The following RARB variants were observed in gnomAD, a reference collection of about 807,000 sequenced individuals.
RARB encodes retinoic acid receptor beta.
In RARB, 17 loss-of-function variants were observed where a neutral mutation model predicts 51.9. The observed-to-expected ratio is 0.33, with a 90% CI of 0.22 to 0.49. The LOEUF (loss-of-function observed/expected upper bound fraction) is 0.49, where lower values mean the gene tolerates loss of function less well. Ranked by LOEUF, RARB falls within the 20% of genes least tolerant of loss-of-function variation. The pLI is 0.99. For synonymous variants in RARB, 215 were observed against 195.4 expected (o/e 1.10, Z -0.84); for missense variants, 369 against 550.8 (o/e 0.67, Z 3.30).
intron 2 of RARB, among the ~76,000 whole-genome samples, chr3:24,941,885 T>A (rs1391052972): frequency 6.6e-6 from 1 of 152,212 alleles, no homozygotes; most frequent in Non-Finnish European, 1.5e-5. Flanking sequence ...AGCGTAAACT[T>A]AATCTTCTGA....
intron 2 of RARB, among the ~76,000 whole-genome samples, chr3:25,035,379 C>A (rs1289951821): frequency 6.6e-6 from 1 of 150,794 alleles, no homozygotes; most frequent in Non-Finnish European, 1.5e-5. Flanking sequence ...TGCTCAGTCT[C>A]CCAAAGTGCT....
chr3:25,105,912 A>G (rs546303474), intron 3 of RARB, among the ~76,000 whole-genome samples: 1 of 152,354 alleles, frequency 6.6e-6, no homozygotes, highest in Non-Finnish European at 1.5e-5. Flanking sequence ...TAGAAATGAA[A>G]TGTAATCTAA....
At chr3:24,849,039 G>A (rs369159637) in intron 1 of RARB, among the ~76,000 whole-genome samples, 3 of 152,134 alleles carry the variant, frequency 2.0e-5, no homozygotes, top group African/African-American at 2.4e-5. Flanking sequence ...ACTGTTATCT[G>A]CAGGGGATAC....
At chr3:25,582,403 G>T (rs1297839838) in intron 5 of RARB, among the ~76,000 whole-genome samples, 1 of 152,050 alleles carries the variant, frequency 6.6e-6, no homozygotes, top group Non-Finnish European at 1.5e-5. Flanking sequence ...CATTCTGACA[G>T]CCCTGCATCA....
chr3:24,853,544 A>C (rs1243244084), intron 1 of RARB, among the ~76,000 whole-genome samples: 1 of 152,206 alleles, frequency 6.6e-6, no homozygotes, highest in Non-Finnish European at 1.5e-5. Context: ...AATAGCCTGC[A>C]GGCACCAGCA....
intron 5 of RARB, among the ~76,000 whole-genome samples, chr3:25,265,092 G>A (rs999578500): frequency 6.6e-6 from 1 of 152,102 alleles, no homozygotes; most frequent in African/African-American, 2.4e-5. Context: ...GGACTGCCCA[G>A]AAAACTGTGA....
chr3:25,001,377 A>T (rs1174425072), intron 2 of RARB, among the ~76,000 whole-genome samples: 1 of 152,176 alleles, frequency 6.6e-6, no homozygotes, highest in Non-Finnish European at 1.5e-5. Flanking sequence ...CAAAGGAACA[A>T]ATGACTTTTG....
At chr3:25,574,586 T>G (rs908804395) in intron 4 of RARB, among the ~76,000 whole-genome samples, 68 of 152,320 alleles carry the variant, frequency 4.5e-4, no homozygotes, top group African/African-American at 1.6e-3. Flanking sequence ...GGCCTCCCAC[T>G]GCTCTGCCGT....
At position 25,060,124 on chromosome 3, in the gene RARB, G is replaced by A. The variant is rs1487828735; in HGVS notation, c.-379-1G>A. 1 of 151,768 alleles carries A rather than the reference G, an allele frequency of 6.6e-6. No homozygotes were observed. The highest frequency in any genetic ancestry group is 1.5e-5 in the Non-Finnish European group (1 of 67,796). The allele number at this position is 151,768 out of a possible 1,614,324, so 9.4% of individuals were successfully genotyped here. ...GTCTAATCCAGCCACTTATTTTACA[G>A]ATAAAACAGAGTACTGCAGAGATGA... On this transcript the variant is annotated splice_acceptor_variant, in intron 2 of 11. Coordinates refer to the RARB transcript ENST00000383772. LOFTEE classifies it low-confidence loss of function (5UTR_SPLICE).
chr3:25,415,358 G>T (rs1707674160), intron 5 of RARB, among the ~76,000 whole-genome samples: 1 of 151,968 alleles, frequency 6.6e-6, no homozygotes, highest in Admixed American at 6.6e-5. Context: ...TCCATTTTGA[G>T]TGAATTTTTG....
chr3:25,477,568 AC>A (rs1696014857), intron 2 of RARB, among the ~76,000 whole-genome samples: 2 of 152,192 alleles, frequency 1.3e-5, no homozygotes, highest in African/African-American at 4.8e-5. Context: ...GTACTTGCAT[AC>A]TGCAGTTTAT....
At chr3:25,307,988 T>C (rs1195523799) in intron 5 of RARB, among the ~76,000 whole-genome samples, 1 of 152,246 alleles carries the variant, frequency 6.6e-6, no homozygotes, top group Non-Finnish European at 1.5e-5. Flanking sequence ...AAGTACTTAC[T>C]ATCTGGCCCT....
chr3:24,974,239 T>C (rs1177769899), intron 2 of RARB, among the ~76,000 whole-genome samples: 1 of 152,076 alleles, frequency 6.6e-6, no homozygotes, highest in African/African-American at 2.4e-5. Context: ...CTGTTATTTA[T>C]TGATTTGCAT....
At chr3:25,259,442 C>A (rs1702944600) in intron 5 of RARB, among the ~76,000 whole-genome samples, 1 of 152,080 alleles carries the variant, frequency 6.6e-6, no homozygotes, top group African/African-American at 2.4e-5. Context: ...GAATAAAAAT[C>A]TTCTGTATAA....
chr3:25,283,008 C>T (rs562497191), intron 5 of RARB, among the ~76,000 whole-genome samples: 12 of 152,252 alleles, frequency 7.9e-5, no homozygotes, highest in African/African-American at 2.2e-4. Flanking sequence ...CACGGAGGAG[C>T]GACACTGTCT....
At chr3:24,896,549 G>A (rs552358243) in intron 2 of RARB, among the ~76,000 whole-genome samples, 33 of 152,244 alleles carry the variant, frequency 2.2e-4, no homozygotes, top group Admixed American at 1.5e-3. Flanking sequence ...GCCAGCCACC[G>A]CGCCTGGCCC....
At chr3:25,535,713 A>T (rs2125648609) in intron 3 of RARB, among the ~76,000 whole-genome samples, 1 of 152,212 alleles carries the variant, frequency 6.6e-6, no homozygotes, top group South Asian at 2.1e-4. Context: ...TTATGAGTTC[A>T]TGTCCTTAGC....
intron 1 of RARB, among the ~76,000 whole-genome samples, chr3:24,850,521 T>C (rs537907210): frequency 6.6e-6 from 1 of 152,338 alleles, no homozygotes; most frequent in South Asian, 2.1e-4. Context: ...CTCTAAGGGA[T>C]AACAGAGTCA....
At chr3:24,927,012 A>C (rs551895251) in intron 2 of RARB, among the ~76,000 whole-genome samples, 8 of 152,110 alleles carry the variant, frequency 5.3e-5, no homozygotes, top group Non-Finnish European at 7.4e-5. Flanking sequence ...AGACTCTCAA[A>C]GATGGAGAAG....
Sources: gnomAD v4.1 joint callset for allele counts (sites outside exome capture counted in the v4.1 genomes callset) on GRCh38, gnomAD v4.1.1 for gene constraint, MANE v1.5 for transcripts, NCBI Gene and HGNC (gene_info 2026-07-23, HGNC 2026-07-21) for gene names.